SLC10A7: variants seen among roughly 807,000 people sequenced by gnomAD.
The protein encoded by SLC10A7 is solute carrier family 10 member 7.
In SLC10A7, 29 loss-of-function variants were observed where a neutral mutation model predicts 43.2. That is an observed-to-expected ratio of 0.67 (90% CI 0.50 to 0.92). The LOEUF (loss-of-function observed/expected upper bound fraction) is 0.92. Among genes scored for constraint, SLC10A7 ranks in the 40% least tolerant of loss-of-function variants. SLC10A7 has a pLI of 0.00. For missense variants in SLC10A7, 295 were observed against 403.2 expected (o/e 0.73, Z 2.30); for synonymous variants, 152 against 144.8 (o/e 1.05, Z -0.35).
At chr4:146,494,036 A>G (rs1735682232) in intron 4 of SLC10A7, among the ~76,000 whole-genome samples, 1 of 152,240 alleles carries the variant, frequency 6.6e-6, no homozygotes, top group Non-Finnish European at 1.5e-5. Flanking sequence ...ATATTGACTC[A>G]GAAAACCCAG....
intron 4 of SLC10A7, among the ~76,000 whole-genome samples, chr4:146,492,846 T>G (rs931191088): frequency 6.6e-6 from 1 of 150,478 alleles, no homozygotes; most frequent in Non-Finnish European, 1.5e-5. Flanking sequence ...GTCTTATATG[T>G]TTTTTTTTCC....
rs374295930 is a variant in SLC10A7 at position 146,472,125 on chromosome 4, G to C, written c.397-29304C>G. Among the ~76,000 whole-genome samples the C allele has an allele frequency of 3.9e-5, 6 of 152,202 alleles. No individual in the cohort carries two copies. In the East Asian group the frequency reaches 7.7e-4, roughly 20 times the overall value. ...CTATAAAATATAGTGGAATAACTGA[G>C]GGACAAACATTAAAGAATAATGAAC... On this transcript the variant is annotated intron_variant, in intron 4 of 11. Coordinates refer to ENST00000335472, the MANE Select transcript of SLC10A7 (RefSeq NM_001029998.6).
intron 4 of SLC10A7, among the ~76,000 whole-genome samples, chr4:146,475,430 G>A (rs1350394813): frequency 6.6e-6 from 1 of 152,108 alleles, no homozygotes; most frequent in Non-Finnish European, 1.5e-5. Flanking sequence ...TTTTTAAAAT[G>A]TTGATCTTTA....
At chr4:146,474,653 C>A (rs1175792776) in intron 4 of SLC10A7, among the ~76,000 whole-genome samples, 1 of 151,900 alleles carries the variant, frequency 6.6e-6, no homozygotes, top group East Asian at 1.9e-4. Flanking sequence ...GCAATAAGGA[C>A]AGAATTATAG....
intron 5 of SLC10A7, among the ~76,000 whole-genome samples, chr4:146,366,819 A>T (rs2149772035): frequency 6.6e-6 from 1 of 152,326 alleles, no homozygotes; most frequent in East Asian, 1.9e-4. Flanking sequence ...ACTTTAAGTC[A>T]CTGCAGCTCC....
In SLC10A7 at chr4:146,447,923, T is replaced by TA. The variant is rs1165081631; in HGVS notation, c.397-5103dup. 3.1e-3 allele frequency among the ~76,000 whole-genome samples: 438 copies of TA among 142,002 alleles called. 1 individual carries two copies. The highest frequency in any genetic ancestry group is 3.7e-3 in the African/African-American group (145 of 39,108). 93.2% of individuals were successfully genotyped at this position (142,002 alleles called of 152,430 possible). The stretch of plus-strand genomic sequence containing the variant: ...TTATTTAAAACAAAGGTAAATTTCT[T>TA]AAAAAAAAAAAAACCTAATCATTCT... On this transcript the variant is annotated intron_variant, in intron 4 of 11. Transcript: ENST00000335472.
At chr4:146,442,329 G>A (rs1730670982) in intron 5 of SLC10A7, 7 of 986,444 alleles carry the variant, frequency 7.1e-6, no homozygotes, top group Non-Finnish European at 8.4e-6. Context: ...AGATTTCTCA[G>A]AAGCATCCAA....
In SLC10A7 at chr4:146,442,772, T is replaced by A; in HGVS notation, c.435+11A>T. ...AAGTTGTAATAGACAAGTTAAACTA[T>A]GTTTACTTACCAAAAAACTTCCAAA... On this transcript the variant is annotated intron_variant, in intron 5 of 11. Coordinates refer to ENST00000335472, the MANE Select transcript of SLC10A7 (RefSeq NM_001029998.6). 1.2e-6 allele frequency: 2 copies of A among 1,603,590 alleles called. No homozygotes were observed.
intron 5 of SLC10A7, among the ~76,000 whole-genome samples, chr4:146,394,059 CAG>C (rs982063769): frequency 6.6e-6 from 1 of 152,106 alleles, no homozygotes; most frequent in African/African-American, 2.4e-5. Flanking sequence ...GGAATCTAAA[CAG>C]AGTCAGTATT....
intron 6 of SLC10A7, 29 bp from the exon 7 acceptor site, chr4:146,306,038 T>A (rs745981214): frequency 1.3e-6 from 2 of 1,538,398 alleles, no homozygotes; most frequent in Non-Finnish European, 1.8e-6. Context: ...GGAGTTAGAA[T>A]TACTTCAAAT....
chr4:146,402,486 G>A (rs916258602), intron 5 of SLC10A7, among the ~76,000 whole-genome samples: 3 of 151,888 alleles, frequency 2.0e-5, no homozygotes, highest in African/African-American at 4.8e-5. Context: ...AGCCCTGACC[G>A]CCTCCTGGGC....
At chr4:146,507,188 T>C (rs1257210524) in intron 3 of SLC10A7, among the ~76,000 whole-genome samples, 2 of 152,220 alleles carry the variant, frequency 1.3e-5, no homozygotes, top group Non-Finnish European at 2.9e-5. Flanking sequence ...ACATATTTTT[T>C]TTGATCAATG....
intron 5 of SLC10A7, among the ~76,000 whole-genome samples, chr4:146,329,047 C>G (rs575831906): frequency 2.6e-5 from 4 of 152,250 alleles, no homozygotes; most frequent in Admixed American, 1.3e-4. Context: ...GTGTTGTTAT[C>G]CACAGGTTTT....
intron 5 of SLC10A7, among the ~76,000 whole-genome samples, chr4:146,378,818 C>T (rs544517798): frequency 6.6e-6 from 1 of 152,290 alleles, no homozygotes; most frequent in Non-Finnish European, 1.5e-5. Flanking sequence ...TGCCTAACTT[C>T]CTGTACTTCA....
chr4:146,397,485 T>C (rs1487201118), intron 5 of SLC10A7, among the ~76,000 whole-genome samples: 1 of 152,170 alleles, frequency 6.6e-6, no homozygotes, highest in Non-Finnish European at 1.5e-5. Flanking sequence ...GGAGACAAAA[T>C]CCTTGAGCTT....
intron 4 of SLC10A7, among the ~76,000 whole-genome samples, chr4:146,467,940 C>T (rs1733197329): frequency 6.6e-6 from 1 of 152,060 alleles, no homozygotes; most frequent in Non-Finnish European, 1.5e-5. Flanking sequence ...GCACCCTGTA[C>T]AAGGATAGAT....
At chr4:146,492,588 T>TC (rs770675995) in intron 4 of SLC10A7, among the ~76,000 whole-genome samples, 8 of 152,140 alleles carry the variant, frequency 5.3e-5, no homozygotes, top group Non-Finnish European at 8.8e-5. Flanking sequence ...CCCAGGCAGG[T>TC]CTGAAACTCC....
At chr4:146,362,987 A>G (rs1736154187) in intron 5 of SLC10A7, among the ~76,000 whole-genome samples, 1 of 152,078 alleles carries the variant, frequency 6.6e-6, no homozygotes, top group East Asian at 1.9e-4. Context: ...ACACATAATA[A>G]AAAAAGCAGT....
At chr4:146,274,804 A>G (rs1213602234) in intron 10 of SLC10A7, among the ~76,000 whole-genome samples, 1 of 152,180 alleles carries the variant, frequency 6.6e-6, no homozygotes, top group Admixed American at 6.5e-5. Context: ...GTATGTCATA[A>G]GTAGTTATGT....
Sources: allele counts gnomAD v4.1 joint callset (sites outside exome capture counted in the v4.1 genomes callset), GRCh38; gene constraint gnomAD v4.1.1; transcripts MANE v1.5; gene names NCBI Gene and HGNC (gene_info 2026-07-23, HGNC 2026-07-21).